Variants in LOC728392 observed in about 807,000 individuals in gnomAD.
At chr17:5,500,865 G>C in the LOC728392 span, 9 of 1,242,860 alleles carry the variant, frequency 7.2e-6, no homozygotes, top group Non-Finnish European at 9.4e-6. This position sits in a 1 kb window ranked among gnomAD's most constrained non-coding sequence, Gnocchi z 5.4. Context: ...AGGGTCTTCC[G>C]GGGGAGGCTT....
At chr17:5,499,835 G>A in the LOC728392 span, 4 of 985,722 alleles carry the variant, frequency 4.1e-6, no homozygotes, top group African/African-American at 7.0e-5. Flanking sequence ...CCTGCGTGCC[G>A]GCGGGGTCTG....
the LOC728392 span, chr17:5,499,784 G>A: frequency 4.1e-6 from 4 of 985,776 alleles, no homozygotes; most frequent in Admixed American, 6.1e-5. Flanking sequence ...CCCCGGCTAG[G>A]GCCCCCAGAG....
chr17:5,499,813 G>A, the LOC728392 span: 5 of 985,874 alleles, frequency 5.1e-6, no homozygotes, highest in African/African-American at 7.0e-5. Context: ...TCAGGAGTGC[G>A]CCAGCTCTGG....
chr17:5,500,955 A>T, the LOC728392 span: 1 of 1,247,560 alleles, frequency 8.0e-7, no homozygotes, highest in Non-Finnish European at 1.0e-6. This position sits in a 1 kb window ranked among gnomAD's most constrained non-coding sequence, Gnocchi z 5.4. Context: ...CCCGTCAGCC[A>T]TGGGCAGGAT....
chr17:5,499,859 C>T, the LOC728392 span: 8 of 985,964 alleles, frequency 8.1e-6, no homozygotes, highest in Non-Finnish European at 9.6e-6. Flanking sequence ...CCACAGGTCC[C>T]GCGAGTCCCG....
the LOC728392 span, chr17:5,500,955 A>C: frequency 1.6e-6 from 2 of 1,247,560 alleles, no homozygotes; most frequent in Non-Finnish European, 2.1e-6. This position sits in a 1 kb window ranked among gnomAD's most constrained non-coding sequence, Gnocchi z 5.4. Flanking sequence ...CCCGTCAGCC[A>C]TGGGCAGGAT....
At chr17:5,500,093 TG>T in the LOC728392 span, 1 of 986,220 alleles carries the variant, frequency 1.0e-6, no homozygotes, top group Non-Finnish European at 1.2e-6. The surrounding 1 kb of genome is among the most constrained non-coding windows in gnomAD (Gnocchi z 5.4). Context: ...GCGCCAACTC[TG>T]GGGCACAGCT....
the LOC728392 span, chr17:5,500,851 CGGGAGGGTCTTCCGG>C: frequency 8.1e-7 from 1 of 1,228,922 alleles, no homozygotes; most frequent in East Asian, 9.7e-5. The surrounding 1 kb of genome is among the most constrained non-coding windows in gnomAD (Gnocchi z 5.4). Flanking sequence ...CCGCGGGCAG[CGGGAGGGTCTTCCGG>C]GGGAGGCTTG....
the LOC728392 span, chr17:5,500,798 G>T: frequency 1.7e-6 from 2 of 1,155,306 alleles, no homozygotes; most frequent in African/African-American, 3.4e-5. This position sits in a 1 kb window ranked among gnomAD's most constrained non-coding sequence, Gnocchi z 5.4. Context: ...TCCCGCCCGC[G>T]CGCCGACCAG....
the LOC728392 span, chr17:5,500,389 T>C: frequency 1.8e-6 from 2 of 1,083,856 alleles, no homozygotes; most frequent in Non-Finnish European, 2.3e-6. This position sits in a 1 kb window ranked among gnomAD's most constrained non-coding sequence, Gnocchi z 5.4. Flanking sequence ...AACCTGCAGG[T>C]GCAAACAGCA....
the LOC728392 span, chr17:5,500,934 C>T: frequency 8.0e-7 from 1 of 1,255,874 alleles, no homozygotes; most frequent in Non-Finnish European, 1.0e-6. This position sits in a 1 kb window ranked among gnomAD's most constrained non-coding sequence, Gnocchi z 5.4. Flanking sequence ...CCAGGGTCTG[C>T]GCCGAAAGAG....
chr17:5,500,453 T>A, the LOC728392 span: 1 of 1,141,478 alleles, frequency 8.8e-7, no homozygotes. This position sits in a 1 kb window ranked among gnomAD's most constrained non-coding sequence, Gnocchi z 5.4. Flanking sequence ...TAGACAAAGA[T>A]AGTGACAACA....
At chr17:5,500,656 C>T in the LOC728392 span, 2 of 1,274,526 alleles carry the variant, frequency 1.6e-6, no homozygotes, top group South Asian at 1.3e-5. This position sits in a 1 kb window ranked among gnomAD's most constrained non-coding sequence, Gnocchi z 5.4. Flanking sequence ...AAGGCGATGG[C>T]TGCGTAGATG....
At chr17:5,500,013 C>G in the LOC728392 span, 1 of 986,150 alleles carries the variant, frequency 1.0e-6, no homozygotes. The surrounding 1 kb of genome is among the most constrained non-coding windows in gnomAD (Gnocchi z 5.4). Flanking sequence ...GCACGACACC[C>G]CGACGAACGC....
chr17:5,500,771 G>T, the LOC728392 span: 5 of 1,201,862 alleles, frequency 4.2e-6, no homozygotes, highest in Non-Finnish European at 5.3e-6. The surrounding 1 kb of genome is among the most constrained non-coding windows in gnomAD (Gnocchi z 5.4). Context: ...GCTGCCCGGC[G>T]CGGCCCCCCT....
the LOC728392 span, chr17:5,499,543 C>T: frequency 6.5e-6 from 1 of 154,208 alleles, no homozygotes; most frequent in African/African-American, 2.4e-5. Context: ...ATTTAACATT[C>T]ATGAGTAAAC....
At chr17:5,500,490 G>C in the LOC728392 span, 11 of 1,156,588 alleles carry the variant, frequency 9.5e-6, no homozygotes, top group Non-Finnish European at 1.2e-5. This position sits in a 1 kb window ranked among gnomAD's most constrained non-coding sequence, Gnocchi z 5.4. Context: ...AGCATCGAAA[G>C]CTACATGAAG....
chr17:5,500,921 A>G, the LOC728392 span: 5 of 1,258,402 alleles, frequency 4.0e-6, no homozygotes, highest in Non-Finnish European at 5.2e-6. This position sits in a 1 kb window ranked among gnomAD's most constrained non-coding sequence, Gnocchi z 5.4. Context: ...TCTGCTCGAG[A>G]CCCCAGGGTC....
the LOC728392 span, chr17:5,499,671 G>T: frequency 2.7e-6 from 2 of 736,528 alleles, no homozygotes; most frequent in Non-Finnish European, 3.3e-6. Context: ...TCTTGTCAAT[G>T]AGAAATCCCT....
Sources: allele counts gnomAD v4.1 joint callset, GRCh38; gene constraint gnomAD v4.1.1; non-coding constraint Gnocchi (gnomAD v3.1); transcripts MANE v1.5.